Variants in SNX29 observed in about 807,000 individuals in gnomAD.
SNX29 encodes the protein sorting nexin 29, also known as sorting nexin-29.
A neutral mutation model predicts 102.1 loss-of-function variants in SNX29; 78 were observed. That is an observed-to-expected ratio of 0.76 (90% CI 0.64 to 0.92). SNX29 has a LOEUF of 0.92. Among genes scored for constraint, SNX29 ranks in the 40% least tolerant of loss-of-function variants. The probability of loss-of-function intolerance (pLI) is 0.00; values close to 1 mark genes in which losing one functional copy is unlikely to be tolerated. For synonymous variants in SNX29, 580 were observed against 414.5 expected, an observed-to-expected ratio of 1.40 and a Z score of -4.85; for missense variants, 1,280 against 1,061.7, an observed-to-expected ratio of 1.21 and a Z score of -2.86.
chr16:12,139,021 G>A (rs571494433), intron 13 of SNX29, among the ~76,000 whole-genome samples: 1 of 151,846 alleles, frequency 6.6e-6, no homozygotes, highest in Non-Finnish European at 1.5e-5. Flanking sequence ...GGACAACCTG[G>A]TGAAACCTTG....
chr16:12,399,652 C>T (rs1238345847), intron 17 of SNX29, among the ~76,000 whole-genome samples: 2 of 152,066 alleles, frequency 1.3e-5, no homozygotes, highest in Non-Finnish European at 2.9e-5. Flanking sequence ...CCTTGCAGAG[C>T]TTGTGGTGGC....
chr16:12,290,495 T>G (rs937314100), intron 15 of SNX29, among the ~76,000 whole-genome samples: 1 of 152,200 alleles, frequency 6.6e-6, no homozygotes, highest in African/African-American at 2.4e-5. Flanking sequence ...CTCCTAATCC[T>G]CCTAGTACGG....
chr16:12,535,830 C>G (rs895657457), intron 20 of SNX29, among the ~76,000 whole-genome samples: 2 of 152,264 alleles, frequency 1.3e-5, no homozygotes, highest in South Asian at 2.1e-4. Flanking sequence ...ACTTTGGCCT[C>G]TCAGTGCTTA....
intron 20 of SNX29, among the ~76,000 whole-genome samples, chr16:12,563,887 C>T (rs1246049967): frequency 1.3e-5 from 2 of 152,236 alleles, no homozygotes; most frequent in Non-Finnish European, 2.9e-5. Context: ...CCCCTTGGGC[C>T]TCTGCCGTCT....
intron 15 of SNX29, chr16:12,297,247 G>A (rs909735265): frequency 6.6e-6 from 1 of 152,438 alleles, no homozygotes; most frequent in African/African-American, 2.4e-5. Flanking sequence ...TGTGCGGTGA[G>A]CTGAGGCCCT....
At chr16:12,461,178 T>C (rs1272851828) in intron 18 of SNX29, among the ~76,000 whole-genome samples, 1 of 152,222 alleles carries the variant, frequency 6.6e-6, no homozygotes, top group Non-Finnish European at 1.5e-5. Context: ...TCAGGCAGCC[T>C]TAGTCTTATT....
chr16:12,015,784 C>T (rs973992062), intron 3 of SNX29, among the ~76,000 whole-genome samples: 8 of 152,066 alleles, frequency 5.3e-5, no homozygotes, highest in African/African-American at 1.4e-4. Flanking sequence ...ATCTGCCCAC[C>T]TTGGCCTCCC....
rs75695562 is a variant in SNX29 at position 12,168,435 on chromosome 16, C to T, written c.1596-31166C>T. On this transcript the variant is annotated intron_variant, in intron 13 of 20. Transcript: ENST00000566228. ...CAAGCTGAATGGTTGCTCAGAGAAT[C>T]GAACCAACTTTGTTTGAATCTAAGC... 1.0e-3 allele frequency among the ~76,000 whole-genome samples: 156 copies of T among 152,268 alleles called. No individual in the cohort carries two copies. In the East Asian group the frequency reaches 0.023, roughly 22 times the overall value.
intron 20 of SNX29, among the ~76,000 whole-genome samples, chr16:12,545,329 G>C (rs1467584751): frequency 8.4e-6 from 1 of 119,390 alleles, no homozygotes; most frequent in African/African-American, 2.6e-5. Context: ...ACCAGAGAAA[G>C]GGTGTCACAT....
At chr16:12,115,778 C>T (rs988481630) in intron 11 of SNX29, among the ~76,000 whole-genome samples, 8 of 152,196 alleles carry the variant, frequency 5.3e-5, no homozygotes, top group East Asian at 3.8e-4. Context: ...TGTTCCTCCT[C>T]GAGGCCTTTC....
intron 18 of SNX29, among the ~76,000 whole-genome samples, chr16:12,460,226 G>A (rs980701281): frequency 3.9e-5 from 6 of 152,184 alleles, no homozygotes; most frequent in Non-Finnish European, 7.3e-5. Flanking sequence ...AGACGCAGCC[G>A]AACAGGCCTA....
intron 15 of SNX29, among the ~76,000 whole-genome samples, chr16:12,307,234 G>A (rs994440910): frequency 4.6e-5 from 7 of 152,020 alleles, no homozygotes; most frequent in Admixed American, 6.5e-5. Flanking sequence ...TTTTTTCCTC[G>A]CTCACATGGC....
intron 13 of SNX29, among the ~76,000 whole-genome samples, chr16:12,139,969 A>T (rs2054807950): frequency 7.6e-6 from 1 of 132,440 alleles, no homozygotes. Context: ...AGACAGAGAG[A>T]TACCCTGTCT....
intron 18 of SNX29, among the ~76,000 whole-genome samples, chr16:12,435,974 A>AGGGTCTGGGCCTTGGG (rs925661780): frequency 2.6e-5 from 4 of 152,152 alleles, no homozygotes; most frequent in African/African-American, 9.7e-5. Context: ...CCGTAGGCCC[A>AGGGTCTGGGCCTTGGG]GGGTCTGGGC....
intron 11 of SNX29, among the ~76,000 whole-genome samples, chr16:12,085,253 G>A (rs996393587): frequency 1.3e-5 from 2 of 152,130 alleles, no homozygotes; most frequent in Non-Finnish European, 2.9e-5. Flanking sequence ...AATGCTATGG[G>A]CTTGTTAAGA....
At chr16:12,238,421 G>A (rs144954097) in intron 14 of SNX29, among the ~76,000 whole-genome samples, 2,002 of 152,106 alleles carry the variant, frequency 0.013, 23 homozygotes, top group Non-Finnish European at 0.021. Flanking sequence ...CGCCCCCCGA[G>A]TTCAAGCGAT....
chr16:12,264,912 C>T (rs1033965711), intron 14 of SNX29, among the ~76,000 whole-genome samples: 1 of 152,178 alleles, frequency 6.6e-6, no homozygotes, highest in Admixed American at 6.5e-5. Context: ...TGGATGATAC[C>T]TTTCCACTCT....
intron 20 of SNX29, chr16:12,561,089 A>G: frequency 4.4e-6 from 1 of 225,966 alleles, no homozygotes; most frequent in Non-Finnish European, 8.8e-6. Context: ...AGCATAGTTC[A>G]CAGTGGAATT....
chr16:12,316,475 G>A (rs778137332), intron 15 of SNX29, among the ~76,000 whole-genome samples: 13 of 152,128 alleles, frequency 8.5e-5, no homozygotes, highest in Non-Finnish European at 1.5e-4. Context: ...TCCAGGAGGC[G>A]GAGGTTGCAG....
Sources: gnomAD v4.1 joint callset for allele counts (sites outside exome capture counted in the v4.1 genomes callset) on GRCh38, gnomAD v4.1.1 for gene constraint, MANE v1.5 for transcripts, NCBI Gene and HGNC (gene_info 2026-07-23, HGNC 2026-07-21) for gene names.